The following KLF15 variants were observed in gnomAD, a reference collection of about 807,000 sequenced individuals.
The protein encoded by KLF15 is KLF transcription factor 15, also known as Krueppel-like factor 15.
Under a neutral mutation model 24.6 loss-of-function variants are expected in KLF15, and 4 were observed. The ratio of observed to expected loss-of-function variants is 0.16; its 90% confidence interval spans 0.08 to 0.37. The LOEUF (loss-of-function observed/expected upper bound fraction) is 0.37. KLF15 is among the 10% of genes least tolerant of loss of function. KLF15 has a pLI of 1.00. For synonymous variants in KLF15, 246 were observed against 236.3 expected (o/e 1.04, Z -0.37); for missense variants, 496 against 560.6 (o/e 0.88, Z 1.16).
At chr3:126,293,721 G>C in the KLF15 span, among the ~76,000 whole-genome samples, 2 of 152,208 alleles carry the variant, frequency 1.3e-5, no homozygotes, top group Non-Finnish European at 2.9e-5. Context: ...ATCCTAGCAA[G>C]GGCCATGGAA....
chr3:126,351,886 G>A lies in KLF15; in HGVS notation c.1037C>T (p.Thr346Met), dbSNP rs552047494. 1.5e-5 allele frequency: 24 copies of A among 1,614,066 alleles called. No individual in the cohort carries two copies. The highest frequency in any genetic ancestry group is 3.3e-5 in the South Asian group (3 of 91,068). ...SHLKAHLRRH[T>M]GEKPFACTWP... ...GGTGCAGGCGAAGGGCTTCTCACCC[G>A]TGTGCCGGCGCAGGTGGGCCTTGAG... Residue 346 changes from threonine to methionine, a missense_variant, in exon 2 of 3, where the codon ACG becomes ATG. By Grantham distance (81) the Thr-to-Met change is moderately conservative. Transcript: ENST00000296233.
the KLF15 span, among the ~76,000 whole-genome samples, chr3:126,313,107 G>T: frequency 6.6e-6 from 1 of 152,184 alleles, no homozygotes; most frequent in Admixed American, 6.5e-5. Context: ...GCCTTTAAAA[G>T]TAGCCCTTAA....
At chr3:126,320,660 G>C in the KLF15 span, among the ~76,000 whole-genome samples, 1 of 152,210 alleles carries the variant, frequency 6.6e-6, no homozygotes, top group Non-Finnish European at 1.5e-5. Context: ...AGTAGCCTAA[G>C]AAGATGTCCC....
At chr3:126,290,054 G>A in the KLF15 span, among the ~76,000 whole-genome samples, 3 of 152,230 alleles carry the variant, frequency 2.0e-5, no homozygotes, top group Non-Finnish European at 4.4e-5. Flanking sequence ...GGTGAATGCA[G>A]AGTGGAGATC....
chr3:126,295,420 A>G, the KLF15 span, among the ~76,000 whole-genome samples: 2 of 152,064 alleles, frequency 1.3e-5, no homozygotes, highest in East Asian at 3.9e-4. Flanking sequence ...CTGTCTCTGT[A>G]CCCCCGTCAC....
At chr3:126,312,299 G>T in the KLF15 span, among the ~76,000 whole-genome samples, 3 of 152,144 alleles carry the variant, frequency 2.0e-5, no homozygotes, top group South Asian at 4.1e-4. Context: ...TCAGCCTCCT[G>T]AGTAGCTGGG....
chr3:126,308,072 G>T, the KLF15 span, among the ~76,000 whole-genome samples: 1 of 152,198 alleles, frequency 6.6e-6, no homozygotes, highest in Non-Finnish European at 1.5e-5. Flanking sequence ...CCGTGGCCTG[G>T]CTGGGACGGG....
intron 1 of KLF15, 122 bp from the exon 2 acceptor site, chr3:126,353,069 T>G: frequency 8.8e-7 from 1 of 1,142,382 alleles, no homozygotes. Flanking sequence ...GCCTGGATCC[T>G]GCTTCCATCC....
At chr3:126,342,029 T>C (rs138451652), downstream of KLF15, among the ~76,000 whole-genome samples, 5 of 152,258 alleles carry the variant, frequency 3.3e-5, no homozygotes, top group East Asian at 5.8e-4. Context: ...GACGTGTGGA[T>C]GGGTCCAACC....
chr3:126,329,481 T>C, the KLF15 span, among the ~76,000 whole-genome samples: 1 of 152,058 alleles, frequency 6.6e-6, no homozygotes, highest in African/African-American at 2.4e-5. Flanking sequence ...CAAGAACCTG[T>C]CTCAAATAGA....
the KLF15 span, among the ~76,000 whole-genome samples, chr3:126,310,863 C>A: frequency 1.3e-5 from 2 of 152,216 alleles, no homozygotes; most frequent in East Asian, 1.9e-4. Context: ...GGACACAATG[C>A]AGCTCACAAT....
the KLF15 span, among the ~76,000 whole-genome samples, chr3:126,335,654 T>C: frequency 9.8e-5 from 14 of 143,580 alleles, no homozygotes; most frequent in African/African-American, 3.7e-4. Flanking sequence ...GCAGATGACA[T>C]GATTGTATAT....
chr3:126,330,965 G>T, the KLF15 span, among the ~76,000 whole-genome samples: 1,707 of 152,284 alleles, frequency 0.011, 33 homozygotes, highest in African/African-American at 0.038. Flanking sequence ...AGCAGAGGAT[G>T]GGGGAGCCTC....
chr3:126,301,252 G>A, the KLF15 span, among the ~76,000 whole-genome samples: 1 of 131,200 alleles, frequency 7.6e-6, no homozygotes, highest in Non-Finnish European at 1.8e-5. Context: ...TTGACACTGA[G>A]AGCAAAGCAG....
the KLF15 span, chr3:126,290,972 G>C: frequency 6.6e-6 from 1 of 152,158 alleles, no homozygotes; most frequent in East Asian, 1.9e-4. Context: ...TTCAGAGAAG[G>C]TGACAGAGGG....
the KLF15 span, among the ~76,000 whole-genome samples, chr3:126,315,560 G>A: frequency 2.0e-5 from 3 of 152,114 alleles, no homozygotes; most frequent in Non-Finnish European, 2.9e-5. Context: ...AGTCAGGGGG[G>A]ACAGGAGGAG....
At chr3:126,353,646 C>T (rs1359511160) in intron 1 of KLF15, among the ~76,000 whole-genome samples, 1 of 152,228 alleles carries the variant, frequency 6.6e-6, no homozygotes, top group African/African-American at 2.4e-5. Flanking sequence ...GTAGGCAAAA[C>T]AGTCAAAGAC....
the KLF15 span, among the ~76,000 whole-genome samples, chr3:126,297,659 CAT>C: frequency 1.3e-5 from 2 of 152,220 alleles, no homozygotes; most frequent in African/African-American, 4.8e-5. Flanking sequence ...TTCGCATCCT[CAT>C]AGCTTAGCTC....
chr3:126,343,472 A>G lies in KLF15; in HGVS notation c.*255T>C, dbSNP rs1221214591. The stretch of plus-strand genomic sequence containing the variant: ...GCCTGGCCACCGCGGGAAGGCACGA[A>G]GGCACGAAGGCACGAAGGCCTGCCT... On this transcript the variant is annotated 3_prime_UTR_variant, in exon 3 of 3. Coordinates refer to ENST00000296233, the MANE Select transcript of KLF15 (RefSeq NM_014079.4). 11 of 453,434 alleles carry G rather than the reference A, an allele frequency of 2.4e-5. 1 individual carries two copies. The Admixed American group carries it at 3.1e-4, about 13-fold the overall frequency. The allele number at this position is 453,434 out of a possible 1,614,324, so 28.1% of individuals were successfully genotyped here.
Sources: allele counts gnomAD v4.1 joint callset (sites outside exome capture counted in the v4.1 genomes callset), GRCh38; gene constraint gnomAD v4.1.1; transcripts MANE v1.5; gene names NCBI Gene and HGNC (gene_info 2026-07-23, HGNC 2026-07-21).